ALG5: variants seen among roughly 807,000 people sequenced by gnomAD.
ALG5 encodes ALG5 dolichyl-phosphate beta-glucosyltransferase.
In ALG5, 26 loss-of-function variants were observed where a neutral mutation model predicts 51.8. That is an observed-to-expected ratio of 0.50 (90% CI 0.37 to 0.70). The LOEUF (loss-of-function observed/expected upper bound fraction) is 0.70, where lower values mean the gene tolerates loss of function less well. Ranked by LOEUF, ALG5 falls within the 30% of genes least tolerant of loss-of-function variation. The pLI, the probability that ALG5 is intolerant of heterozygous loss-of-function variation, is 0.00. For synonymous variants in ALG5, 141 were observed against 136.1 expected (o/e 1.04, Z -0.25); for missense variants, 311 against 399.3 (o/e 0.78, Z 1.88).
intron 5 of ALG5, among the ~76,000 whole-genome samples, chr13:36,988,161 T>C (rs1010116366): frequency 1.8e-4 from 28 of 152,282 alleles, no homozygotes; most frequent in African/African-American, 5.8e-4. Context: ...CCTCAAAAGA[T>C]GGTGGCACCA....
Position 36,957,824 on chromosome 13 carries a change from G to A in ALG5, c.774-5225C>T, listed in dbSNP as rs572371643. On this transcript the variant is annotated intron_variant, in intron 8 of 9. Coordinates refer to ENST00000239891, the MANE Select transcript of ALG5 (RefSeq NM_013338.5). ...AAAACATTACAGGAAGCCTGTCCCC[G>A]AGAAGAGGGAAAGGAACTATTCCAC... Among the ~76,000 whole-genome samples the A allele has an allele frequency of 8.5e-4, 129 of 152,168 alleles. 1 individual carries two copies. Among genetic ancestry groups the A allele is most frequent in the Admixed American group, 3.3e-3 (50 of 15,282 alleles).
chr13:36,995,557 C>T lies in ALG5; in HGVS notation c.106G>A (p.Ala36Thr), dbSNP rs113884828. 1 of 1,605,502 alleles carries T rather than the reference C, an allele frequency of 6.2e-7. No individual in the cohort carries two copies. The highest frequency in any genetic ancestry group is 2.2e-5 in the East Asian group (1 of 44,792). The change falls in exon 2 of 10, where the codon GCA becomes ACA. Residue 36 changes from alanine to threonine, a missense_variant. Ala to Thr is a moderately conservative substitution (Grantham distance 58, BLOSUM62 0). Coordinates refer to ENST00000239891, the MANE Select transcript of ALG5 (RefSeq NM_013338.5). ...VAFTTATKMP[A>T]LHRHEEEKFF... Reference sequence around the variant, plus strand: ...TTCTCTTCTTCATGTCGATGGAGTGCTGGCATTTTTGTAGCAGTTGTAAAT... The same window carrying T: ...TTCTCTTCTTCATGTCGATGGAGTGTTGGCATTTTTGTAGCAGTTGTAAAT...
intron 4 of ALG5, among the ~76,000 whole-genome samples, chr13:36,991,838 T>C (rs563976079): frequency 6.6e-6 from 1 of 152,182 alleles, no homozygotes; most frequent in Non-Finnish European, 1.5e-5. Context: ...CAGCTCACTG[T>C]AACCTTGAAC....
intron 8 of ALG5, among the ~76,000 whole-genome samples, chr13:36,953,450 T>A (rs2058826709): frequency 6.6e-6 from 1 of 152,232 alleles, no homozygotes; most frequent in African/African-American, 2.4e-5. Context: ...GTTGCTTCTC[T>A]CACTGGTATT....
At chr13:36,987,610 T>A (rs1406857395) in intron 5 of ALG5, among the ~76,000 whole-genome samples, 1 of 152,210 alleles carries the variant, frequency 6.6e-6, no homozygotes, top group East Asian at 1.9e-4. Context: ...TAGAGGCAAA[T>A]GCTGGCACCA....
intron 7 of ALG5, among the ~76,000 whole-genome samples, chr13:36,969,646 T>C (rs2058912150): frequency 6.6e-6 from 1 of 152,074 alleles, no homozygotes; most frequent in Non-Finnish European, 1.5e-5. Context: ...GTGATTCTCC[T>C]GCCTCAGTCT....
At chr13:36,971,164 A>T (rs1170755909) in intron 7 of ALG5, among the ~76,000 whole-genome samples, 1 of 152,176 alleles carries the variant, frequency 6.6e-6, no homozygotes, top group East Asian at 1.9e-4. Context: ...TGAAGAATTG[A>T]ACATCTTTAG....
At position 36,989,588 on chromosome 13, in the gene ALG5, T is replaced by C. The variant is rs1308118282; in HGVS notation, c.355-12A>G. On this transcript the variant is annotated splice_polypyrimidine_tract_variant and intron_variant, in intron 4 of 9. Coordinates refer to ENST00000239891, the MANE Select transcript of ALG5 (RefSeq NM_013338.5). ...TATTTAAAAGCTACCTATGAAATTA[T>C]ATAAAAATCAGAATAAAATTAATTT... is the stretch of plus-strand genomic sequence containing the variant. 2 of 1,577,660 alleles carry C rather than the reference T, an allele frequency of 1.3e-6. No individual in the cohort carries two copies. Among genetic ancestry groups the C allele is most frequent in the Non-Finnish European group, 8.7e-7 (1 of 1,149,116 alleles).
At chr13:36,994,762 A>C (rs2059041250) in intron 3 of ALG5, among the ~76,000 whole-genome samples, 1 of 151,984 alleles carries the variant, frequency 6.6e-6, no homozygotes, top group South Asian at 2.1e-4. Flanking sequence ...AGGAGGGTAC[A>C]GAAACAGAAA....
intron 1 of ALG5, among the ~76,000 whole-genome samples, chr13:36,997,352 A>T (rs1396848868): frequency 6.6e-6 from 1 of 151,354 alleles, no homozygotes. Context: ...AGGCGCCTGT[A>T]ATCCCAGCTA....
chr13:36,953,647 A>G (rs1307898373), intron 8 of ALG5, among the ~76,000 whole-genome samples: 2 of 152,184 alleles, frequency 1.3e-5, no homozygotes, highest in African/African-American at 4.8e-5. Flanking sequence ...AAATGCCTAA[A>G]GTCCACTTAT....
chr13:36,986,578 T>C (rs1440341397), intron 5 of ALG5, among the ~76,000 whole-genome samples: 1 of 152,172 alleles, frequency 6.6e-6, no homozygotes, highest in Admixed American at 6.5e-5. Flanking sequence ...TATGGTATAA[T>C]AAGCTAACTA....
chr13:36,969,244 A>G (rs1339087086), intron 7 of ALG5, among the ~76,000 whole-genome samples: 1 of 152,158 alleles, frequency 6.6e-6, no homozygotes, highest in East Asian at 1.9e-4. Context: ...AAGAATTTAC[A>G]CCATGAAAAA....
At chr13:36,970,798 C>T (rs1403734996) in intron 7 of ALG5, among the ~76,000 whole-genome samples, 1 of 151,628 alleles carries the variant, frequency 6.6e-6, no homozygotes, top group Non-Finnish European at 1.5e-5. Flanking sequence ...GTAATCTCAG[C>T]TTCTTGGGAG....
At chr13:36,991,354 A>G (rs1465155554) in intron 4 of ALG5, among the ~76,000 whole-genome samples, 1 of 150,578 alleles carries the variant, frequency 6.6e-6, no homozygotes, top group East Asian at 1.9e-4. Flanking sequence ...TTCTCATTCA[A>G]CTATTACTTT....
intron 7 of ALG5, among the ~76,000 whole-genome samples, chr13:36,968,522 C>T (rs2058905874): frequency 6.6e-6 from 1 of 152,110 alleles, no homozygotes; most frequent in Non-Finnish European, 1.5e-5. Context: ...TACCGTTATA[C>T]AGAACACATG....
chr13:36,979,873 C>A (rs1350619520), intron 6 of ALG5, among the ~76,000 whole-genome samples: 1 of 152,024 alleles, frequency 6.6e-6, no homozygotes, highest in African/African-American at 2.4e-5. Context: ...ATGGTGAAAC[C>A]TCATCTGCTA....
intron 6 of ALG5, among the ~76,000 whole-genome samples, chr13:36,978,333 C>T (rs1440845444): frequency 6.6e-6 from 1 of 151,532 alleles, no homozygotes; most frequent in Non-Finnish European, 1.5e-5. Context: ...ATTATGGGCA[C>T]GTGCCACCAC....
intron 6 of ALG5, among the ~76,000 whole-genome samples, chr13:36,978,178 G>A (rs2058962779): frequency 7.1e-6 from 1 of 140,772 alleles, no homozygotes; most frequent in African/African-American, 2.6e-5. Flanking sequence ...GAGTCACTGC[G>A]CCCCACCTTT....
Sources: allele counts gnomAD v4.1 joint callset (sites outside exome capture counted in the v4.1 genomes callset), GRCh38; gene constraint gnomAD v4.1.1; transcripts MANE v1.5; gene names NCBI Gene and HGNC (gene_info 2026-07-23, HGNC 2026-07-21).